The following FBXL5 variants were observed in gnomAD, a reference collection of about 807,000 sequenced individuals.
FBXL5 encodes the protein F-box/LRR-repeat protein 5.
FBXL5 carries 26 observed loss-of-function variants against 78.3 expected under a neutral mutation model. The observed-to-expected ratio is 0.33, with a 90% confidence interval of 0.24 to 0.46. The LOEUF (loss-of-function observed/expected upper bound fraction) is 0.46. Ranked by LOEUF, FBXL5 falls within the 20% of genes least tolerant of loss-of-function variation. FBXL5 has a pLI of 1.00. For missense variants in FBXL5, 710 were observed against 829.2 expected (o/e 0.86, Z 1.77); for synonymous variants, 295 against 282.5 (o/e 1.04, Z -0.45).
upstream of FBXL5, among the ~76,000 whole-genome samples, chr4:15,657,286 T>C (rs1287011667): frequency 6.6e-6 from 1 of 152,242 alleles, no homozygotes; most frequent in East Asian, 1.9e-4. Flanking sequence ...CACTTTGTTT[T>C]ATCCTCAGCA....
rs544855521 is a variant in FBXL5, at chr4:15,667,011, G to A, written c.-283-7089C>T. Among the ~76,000 whole-genome samples, 10 of 152,098 alleles carry A rather than the reference G, an allele frequency of 6.6e-5. No individual in the cohort carries two copies. The South Asian group carries it at 1.9e-3, about 28-fold the overall frequency. ...TTATAAATTATCAATCAAAATAATC[G>A]TAATTTTAAAATTACTGGATGTTGC... On this transcript the variant is annotated intron_variant, in intron 1 of 4. Coordinates refer to the FBXL5 transcript ENST00000507899.
In FBXL5 at chr4:15,640,697, C is replaced by T. The variant is rs1714770970; in HGVS notation, c.396+91G>A. On this transcript the variant is annotated intron_variant, in intron 3 of 10. Coordinates refer to ENST00000341285, the MANE Select transcript of FBXL5 (RefSeq NM_012161.4). ...TCTTCTCTCCATCAACCAGATACAT[C>T]TTCCTATGCATTATTTTGAAGAGTC... 4.9e-6 allele frequency: 3 copies of T among 610,022 alleles called. No homozygotes were observed. The East Asian group carries it at 9.4e-5, about 19-fold the overall frequency. 37.8% of individuals were successfully genotyped at this position (610,022 alleles called of 1,614,324 possible). A position where few individuals can be genotyped will look rare whatever the true frequency, so the allele number is the denominator to read the frequency against.
At chr4:15,646,609 A>G (rs1447242522) in intron 1 of FBXL5, among the ~76,000 whole-genome samples, 2 of 152,012 alleles carry the variant, frequency 1.3e-5, no homozygotes, top group Non-Finnish European at 2.9e-5. Context: ...GGTTTGTTAC[A>G]TATGTATACA....
chr4:15,626,427 G>A (rs936322797), intron 8 of FBXL5, among the ~76,000 whole-genome samples: 11 of 152,300 alleles, frequency 7.2e-5, no homozygotes, highest in African/African-American at 2.6e-4. Context: ...AGTTGGGTGG[G>A]AAAGAGGGAG....
At chr4:15,671,972 C>T (rs1462622005) in intron 1 of FBXL5, among the ~76,000 whole-genome samples, 1 of 152,146 alleles carries the variant, frequency 6.6e-6, no homozygotes, top group Non-Finnish European at 1.5e-5. Flanking sequence ...CACTTTTTAT[C>T]TCATTATGGG....
chr4:15,662,435 G>A (rs979982682), upstream of FBXL5, among the ~76,000 whole-genome samples: 6 of 152,118 alleles, frequency 3.9e-5, no homozygotes, highest in East Asian at 5.8e-4. Context: ...AAAGATTAAC[G>A]GAATAAGTGT....
At chr4:15,621,608 G>A (rs561226738) in intron 9 of FBXL5, among the ~76,000 whole-genome samples, 2 of 152,250 alleles carry the variant, frequency 1.3e-5, no homozygotes, top group East Asian at 3.8e-4. Flanking sequence ...CACACTAAGT[G>A]AAATAAGCTA....
intron 6 of FBXL5, among the ~76,000 whole-genome samples, chr4:15,628,443 A>T (rs1255660350): frequency 6.6e-6 from 1 of 152,190 alleles, no homozygotes; most frequent in Non-Finnish European, 1.5e-5. Context: ...ACTTCTGTAA[A>T]GCTTGGATGT....
At chr4:15,678,618 T>C (rs1402135005) in intron 1 of FBXL5, among the ~76,000 whole-genome samples, 1 of 144,088 alleles carries the variant, frequency 6.9e-6, no homozygotes, top group East Asian at 1.9e-4. Flanking sequence ...TTGACCAAAA[T>C]GATCTTCTGC....
intron 5 of FBXL5, among the ~76,000 whole-genome samples, chr4:15,633,655 A>G (rs1250617535): frequency 6.6e-6 from 1 of 152,202 alleles, no homozygotes; most frequent in East Asian, 1.9e-4. Context: ...GTGCAATGGC[A>G]CAGTCTCCGC....
chr4:15,640,215 A>G lies in FBXL5; in HGVS notation c.396+573T>C, dbSNP rs1337231955. Among the ~76,000 whole-genome samples, 3 of 151,874 alleles carry G rather than the reference A, an allele frequency of 2.0e-5. No homozygotes were observed. In the East Asian group the frequency reaches 5.8e-4, roughly 29 times the overall value. On this transcript the variant is annotated intron_variant, in intron 3 of 10. Coordinates refer to ENST00000341285, the MANE Select transcript of FBXL5 (RefSeq NM_012161.4). ...GCCACCATGCCCAGCTGATTTTTTT[A>G]ATTTTTAGCAGACATGAGGTCTTGC...
chr4:15,664,550 CTTTTTTTT>C (rs35319145), upstream of FBXL5, among the ~76,000 whole-genome samples: 2 of 75,522 alleles, frequency 2.6e-5, no homozygotes, highest in East Asian at 4.4e-4. Flanking sequence ...GGCCCTCATC[CTTTTTTTT>C]TTTTTTTTTT....
chr4:15,655,336 A>G lies in FBXL5; in HGVS notation c.-49T>C, dbSNP rs947109914. 1.4e-5 allele frequency: 18 copies of G among 1,316,172 alleles called. No individual in the cohort carries two copies. The highest frequency in any genetic ancestry group is 1.6e-5 in the Non-Finnish European group (16 of 1,002,428). The allele number at this position is 1,316,172 out of a possible 1,614,324, so 81.5% of individuals were successfully genotyped here. A position where few individuals can be genotyped will look rare whatever the true frequency, so the allele number is the denominator to read the frequency against. ...CAGCAGCCGCGGCCGCCGCCTCTCC[A>G]TAGACACCCTCGCCGCGGGGCAGAG... On this transcript the variant is annotated 5_prime_UTR_variant, in exon 1 of 11. The change abolishes an upstream ATG in the 5' untranslated region. Transcript: ENST00000341285.
Position 15,651,298 on chromosome 4 carries a change from C to T in FBXL5, c.84+3906G>A, listed in dbSNP as rs866912053. Among the ~76,000 whole-genome samples the T allele has an allele frequency of 2.6e-5, 4 of 152,058 alleles. No individual in the cohort carries two copies. The East Asian group carries it at 7.7e-4, about 29-fold the overall frequency. On this transcript the variant is annotated intron_variant, in intron 1 of 10. Transcript: ENST00000341285. ...AGGTAATGCAAAACCCATGGGCTTC[C>T]GAAGGGGAAAAAAAATCCTAAGATT...
chr4:15,676,661 G>A (rs373424465), intron 1 of FBXL5, among the ~76,000 whole-genome samples: 12 of 152,064 alleles, frequency 7.9e-5, no homozygotes, highest in Middle Eastern at 3.4e-3. Flanking sequence ...TGAGAGAAGG[G>A]TAGAGTGTGT....
intron 9 of FBXL5, among the ~76,000 whole-genome samples, chr4:15,619,977 G>A (rs144883442): frequency 8.7e-4 from 132 of 152,298 alleles, no homozygotes; most frequent in African/African-American, 2.8e-3. Context: ...GCTGAGGCAA[G>A]AGGATCACCT....
intron 7 of FBXL5, among the ~76,000 whole-genome samples, chr4:15,627,272 C>T (rs1713169026): frequency 6.6e-6 from 1 of 151,576 alleles, no homozygotes; most frequent in African/African-American, 2.4e-5. Flanking sequence ...GTAGCTGAGA[C>T]TACAGGCACA....
intron 9 of FBXL5, among the ~76,000 whole-genome samples, chr4:15,616,027 G>A (rs1030302762): frequency 6.6e-6 from 1 of 150,926 alleles, no homozygotes; most frequent in Non-Finnish European, 1.5e-5. Context: ...GCGAGACCAC[G>A]AGGCCACCGG....
Position 15,636,678 on chromosome 4 carries a change from T to G in FBXL5, c.584-2A>C, listed in dbSNP as rs746346801. On this transcript the variant is annotated splice_acceptor_variant, in intron 4 of 10. Transcript: ENST00000341285. LOFTEE classifies it high-confidence loss of function. ...TGGAGTGTTCTGACACTTCTGCTTC[T>G]GAAATAAAAAAGAAAAACTTTACCA... The G allele has an allele frequency of 6.5e-7, 1 of 1,540,522 alleles. No individual in the cohort carries two copies. The highest frequency in any genetic ancestry group is 8.8e-7 in the Non-Finnish European group (1 of 1,140,746).
Sources: allele counts gnomAD v4.1 joint callset (sites outside exome capture counted in the v4.1 genomes callset), GRCh38; gene constraint gnomAD v4.1.1; transcripts MANE v1.5; gene names NCBI Gene and HGNC (gene_info 2026-07-23, HGNC 2026-07-21).